Variants in SP100 observed in about 807,000 individuals in gnomAD.
SP100 encodes the protein nuclear autoantigen Sp-100.
A neutral mutation model predicts 130.0 loss-of-function variants in SP100; 84 were observed. That is an observed-to-expected ratio of 0.65 (90% CI 0.54 to 0.77). SP100 has a LOEUF of 0.77. Ranked by LOEUF, SP100 falls within the 30% of genes least tolerant of loss-of-function variation. The pLI is 0.00. For synonymous variants in SP100, 331 were observed against 351.7 expected (o/e 0.94, Z 0.66); for missense variants, 978 against 1,052.2 (o/e 0.93, Z 0.97).
chr2:230,519,610 G>A (rs551840319), intron 24 of SP100, among the ~76,000 whole-genome samples: 34 of 152,248 alleles, frequency 2.2e-4, no homozygotes, highest in African/African-American at 7.2e-4. Context: ...AGAAGGAGGA[G>A]AAGAAATTGG....
intron 13 of SP100, among the ~76,000 whole-genome samples, chr2:230,467,836 A>G (rs2065040922): frequency 6.6e-6 from 1 of 152,196 alleles, no homozygotes; most frequent in African/African-American, 2.4e-5. Context: ...ACTTCTGCTC[A>G]TTCTCTGTTT....
intron 17 of SP100, among the ~76,000 whole-genome samples, chr2:230,482,274 A>T (rs1336425324): frequency 2.6e-5 from 4 of 152,200 alleles, no homozygotes; most frequent in Admixed American, 1.3e-4. Flanking sequence ...ATAAAGTCAG[A>T]TCCAGTGAAT....
chr2:230,444,168 A>AT lies in SP100; in HGVS notation c.271-4dup. 1 of 1,548,758 alleles carries AT rather than the reference A, an allele frequency of 6.5e-7. No homozygotes were observed. The highest frequency in any genetic ancestry group is 8.7e-7 in the Non-Finnish European group (1 of 1,146,502). On this transcript the variant is annotated splice_polypyrimidine_tract_variant and intron_variant, in intron 3 of 28. Coordinates refer to ENST00000340126, the MANE Select transcript of SP100 (RefSeq NM_001080391.2). The stretch of plus-strand genomic sequence containing the variant: ...TTTATTTATATTTTCTCCATTCAAT[A>AT]TTTTTTAAGGATTCTCAAGATTCTT...
chr2:230,466,566 A>C (rs562061796), intron 12 of SP100, among the ~76,000 whole-genome samples: 3 of 152,226 alleles, frequency 2.0e-5, no homozygotes, highest in African/African-American at 7.2e-5. Flanking sequence ...CAAAGAAGTC[A>C]ATGACCCCAA....
At chr2:230,473,260 G>A (rs952004766) in intron 15 of SP100, 64 bp from the exon 16 acceptor site, 9 of 1,100,374 alleles carry the variant, frequency 8.2e-6, no homozygotes, top group Non-Finnish European at 1.2e-5. Flanking sequence ...ACTAATGTTG[G>A]GGGGAAGGAG....
At chr2:230,475,511 T>G (rs898117752) in intron 17 of SP100, among the ~76,000 whole-genome samples, 2 of 152,262 alleles carry the variant, frequency 1.3e-5, no homozygotes. Context: ...TTTGGTAATT[T>G]CTTTTGTTGT....
chr2:230,441,787 A>G (rs562286454), intron 2 of SP100, among the ~76,000 whole-genome samples: 2 of 152,120 alleles, frequency 1.3e-5, no homozygotes, highest in Non-Finnish European at 2.9e-5. Flanking sequence ...CATTTCTCAA[A>G]TAACACATCA....
chr2:230,440,415 T>C, intron 2 of SP100: 1 of 512,234 alleles, frequency 2.0e-6, no homozygotes. Context: ...AACAATAAAA[T>C]AACTAGGAAT....
intron 2 of SP100, among the ~76,000 whole-genome samples, chr2:230,421,466 T>G (rs1420709478): frequency 6.6e-6 from 1 of 151,456 alleles, no homozygotes; most frequent in African/African-American, 2.4e-5. Flanking sequence ...TACCACATTA[T>G]CCAGTAGCCT....
In SP100 at chr2:230,482,689, G is replaced by T. The variant is rs1020837963; in HGVS notation, c.1600+8242G>T. 3.0e-4 allele frequency among the ~76,000 whole-genome samples: 40 copies of T among 134,612 alleles called. 1 individual carries two copies. Among genetic ancestry groups the T allele is most frequent in the Non-Finnish European group, 8.1e-5 (5 of 61,690 alleles). The allele number at this position is 134,612 out of a possible 152,430, so 88.3% of individuals were successfully genotyped here. A position where few individuals can be genotyped will look rare whatever the true frequency, so the allele number is the denominator to read the frequency against. ...TGTCACACATAACATGCATCAAGCT[G>T]CCATTTACATATATATATATATAGG... is the stretch of plus-strand genomic sequence containing the variant. On this transcript the variant is annotated intron_variant, in intron 17 of 28. Coordinates refer to ENST00000340126, the MANE Select transcript of SP100 (RefSeq NM_001080391.2).
intron 24 of SP100, chr2:230,520,683 A>C (rs1185953352): frequency 6.6e-6 from 1 of 152,238 alleles, no homozygotes; most frequent in Non-Finnish European, 1.5e-5. Flanking sequence ...CCTGTTGAGA[A>C]ATAAATAATT....
intron 24 of SP100, among the ~76,000 whole-genome samples, chr2:230,518,624 A>G (rs1691032315): frequency 6.6e-6 from 1 of 152,038 alleles, no homozygotes; most frequent in East Asian, 1.9e-4. Flanking sequence ...AAGTTTATTT[A>G]TATATGTTTA....
In SP100 at chr2:230,462,587, C is replaced by T. The variant is rs761641663; in HGVS notation, c.1057+69C>T. Reference sequence around the variant, plus strand: ...ATTTAAGAGCTACTATTTCCTGAGGCATTTTATTCTGAGCTCATTCTGTAC... The same window carrying T: ...ATTTAAGAGCTACTATTTCCTGAGGTATTTTATTCTGAGCTCATTCTGTAC... On this transcript the variant is annotated intron_variant, in intron 10 of 28. Transcript: ENST00000340126. The T allele has an allele frequency of 3.6e-6, 4 of 1,122,454 alleles. No individual in the cohort carries two copies. In the African/African-American group the frequency reaches 6.1e-5, roughly 17 times the overall value. 69.5% of individuals were successfully genotyped at this position (1,122,454 alleles called of 1,614,324 possible). A position where few individuals can be genotyped will look rare whatever the true frequency, so the allele number is the denominator to read the frequency against.
rs35220862 is a variant in SP100, at chr2:230,466,201, A to AAAAAAAC, written c.1142-98_1142-97insAAAACAA. The AAAAAAAC allele has an allele frequency of 2.0e-3, 1,172 of 575,272 alleles. 8 individuals carry two copies. Among genetic ancestry groups the AAAAAAAC allele is most frequent in the East Asian group, 6.4e-3 (199 of 30,930 alleles). The allele number at this position is 575,272 out of a possible 1,614,324, so 35.6% of individuals were successfully genotyped here. Reference sequence around the variant, plus strand: ...CTCCATCTCAAAAAAAAAAAAAAAAAAACTTTGTTATTAACCCAAGCCCAT... The same window carrying AAAAAAAC: ...CTCCATCTCAAAAAAAAAAAAAAAAAAAAAAACAACTTTGTTATTAACCCAAGCCCAT... On this transcript the variant is annotated intron_variant, in intron 11 of 28. Transcript: ENST00000340126.
At chr2:230,480,743 T>G (rs2065793131) in intron 17 of SP100, among the ~76,000 whole-genome samples, 1 of 152,190 alleles carries the variant, frequency 6.6e-6, no homozygotes, top group African/African-American at 2.4e-5. Context: ...GTCAAAGAGA[T>G]CGAGCTGGTG....
chr2:230,450,367 A>G (rs972869889), intron 8 of SP100, 112 bp downstream of exon 8: 2 of 700,748 alleles, frequency 2.9e-6, no homozygotes, highest in African/African-American at 1.8e-5. Flanking sequence ...TTTTAAAATT[A>G]CCAGATTAAA....
At chr2:230,455,874 T>C (rs748488853) in intron 8 of SP100, among the ~76,000 whole-genome samples, 1 of 152,210 alleles carries the variant, frequency 6.6e-6, no homozygotes, top group Non-Finnish European at 1.5e-5. Flanking sequence ...TAATTTTGAT[T>C]GCCTACAAAA....
At position 230,497,952 on chromosome 2, in the gene SP100, C is replaced by G. The variant is rs1233507916; in HGVS notation, c.1646-509C>G. On this transcript the variant is annotated intron_variant, in intron 18 of 28. Coordinates refer to ENST00000340126, the MANE Select transcript of SP100 (RefSeq NM_001080391.2). ...TGTGTCACCATCATAATGAGCAGGA[C>G]AATCCAAATTCTTGCATTGCTGCCA... is the stretch of plus-strand genomic sequence containing the variant. 2.6e-5 allele frequency among the ~76,000 whole-genome samples: 4 copies of G among 152,310 alleles called. No homozygotes were observed. The East Asian group carries it at 7.7e-4, about 29-fold the overall frequency.
chr2:230,477,313 T>C (rs1244986447), intron 17 of SP100, among the ~76,000 whole-genome samples: 1 of 152,198 alleles, frequency 6.6e-6, no homozygotes, highest in Non-Finnish European at 1.5e-5. Context: ...AGGGAATCTT[T>C]TGTCCTAGAG....
Sources: gnomAD v4.1 joint callset for allele counts (sites outside exome capture counted in the v4.1 genomes callset) on GRCh38, gnomAD v4.1.1 for gene constraint, MANE v1.5 for transcripts, NCBI Gene and HGNC (gene_info 2026-07-23, HGNC 2026-07-21) for gene names.